The following CFAP46 variants were observed in gnomAD, a reference collection of about 807,000 sequenced individuals.
CFAP46 encodes cilia and flagella associated protein 46.
CFAP46 carries 245 observed loss-of-function variants against 325.7 expected under a neutral mutation model. That is an observed-to-expected ratio of 0.75 (90% CI 0.68 to 0.84). The LOEUF (loss-of-function observed/expected upper bound fraction) is 0.84. Ranked by LOEUF, CFAP46 falls within the 40% of genes least tolerant of loss-of-function variation. CFAP46 has a pLI of 0.00. For synonymous variants in CFAP46, 1,523 were observed against 1,495.9 expected (o/e 1.02, Z -0.42); for missense variants, 3,346 against 3,543.0 (o/e 0.94, Z 1.41).
Position 132,941,091 on chromosome 10 carries a change from C to T in CFAP46, c.307-31G>A, listed in dbSNP as rs572580055. ...GCAACATAAAGAAGCACAATTAGAC[C>T]GAAATACTGACCCCTGCTCACTGCC... On this transcript the variant is annotated intron_variant, in intron 3 of 57. Transcript: ENST00000368586. 6.3e-5 allele frequency: 102 copies of T among 1,610,800 alleles called. No individual in the cohort carries two copies. In the South Asian group the frequency reaches 6.4e-4, roughly 10 times the overall value.
intron 32 of CFAP46, among the ~76,000 whole-genome samples, chr10:132,870,169 C>T (rs865949139): frequency 6.6e-6 from 1 of 152,132 alleles, no homozygotes; most frequent in Non-Finnish European, 1.5e-5. Context: ...CCATCAGCCA[C>T]GCCCATATGA....
At chr10:132,859,395 T>C (rs1400615977) in intron 37 of CFAP46, 148 bp from the exon 38 acceptor site, 4 of 654,922 alleles carry the variant, frequency 6.1e-6, no homozygotes, top group Non-Finnish European at 7.7e-6. Context: ...CAACATCATA[T>C]GGGCCTCATT....
At chr10:132,813,477 CTCTG>C (rs1288762817) in intron 54 of CFAP46, among the ~76,000 whole-genome samples, 4 of 145,970 alleles carry the variant, frequency 2.7e-5, no homozygotes, top group Non-Finnish European at 6.0e-5. Context: ...CAGTGCCACC[CTCTG>C]CACACACCTG....
chr10:132,911,640 G>A (rs998655591), intron 19 of CFAP46, among the ~76,000 whole-genome samples: 2 of 152,206 alleles, frequency 1.3e-5, no homozygotes, highest in African/African-American at 4.8e-5. Flanking sequence ...AAACACTTCT[G>A]CAGCATCTGT....
At chr10:132,913,529 C>A in intron 17 of CFAP46, among the ~76,000 whole-genome samples, 1 of 152,214 alleles carries the variant, frequency 6.6e-6, no homozygotes, top group East Asian at 1.9e-4. Flanking sequence ...ATCTAGGCCG[C>A]GTGCTCCTTG....
rs758726257 is a variant in CFAP46, at chr10:132,814,726, G to A, written c.7209C>T (p.Ile2403=). 5.0e-6 allele frequency: 8 copies of A among 1,613,378 alleles called. No individual in the cohort carries two copies. Among genetic ancestry groups the A allele is most frequent in the South Asian group, 4.4e-5 (4 of 91,052 alleles). Residue 2403 remains isoleucine (I), a synonymous_variant, in exon 52 of 58, where the codon ATC becomes ATT. Transcript: ENST00000368586. ...KGRKGSIPRT[I]PPDCIIVDSD... is the part of the protein sequence containing the mutation. The stretch of plus-strand genomic sequence containing the variant: ...AGTCGACTATGATGCAGTCAGGGGG[G>A]ATGGTCCGGGGGATGCTGCCCTGCA...
intron 33 of CFAP46, among the ~76,000 whole-genome samples, chr10:132,867,889 A>T (rs1443108213): frequency 6.6e-6 from 1 of 152,018 alleles, no homozygotes; most frequent in Admixed American, 6.6e-5. Flanking sequence ...CGGCCTTCCC[A>T]CGGGGTCTTC....
At position 132,811,042 on chromosome 10, in the gene CFAP46, G is replaced by T. The variant is rs41306838; in HGVS notation, c.7502-11C>A. The T allele has an allele frequency of 6.4e-7, 1 of 1,574,374 alleles. No individual in the cohort carries two copies. Among genetic ancestry groups the T allele is most frequent in the Non-Finnish European group, 8.6e-7 (1 of 1,160,608 alleles). ...CTGCCACCTGGCACTCTGCCGGGAC[G>T]GGAAGGGCAGCTCAGCAGCCTTGGC... On this transcript the variant is annotated splice_polypyrimidine_tract_variant and intron_variant, in intron 55 of 57. Transcript: ENST00000368586.
At chr10:132,809,009 G>A in intron 57 of CFAP46, 105 bp from the exon 58 acceptor site, 1 of 1,131,670 alleles carries the variant, frequency 8.8e-7, no homozygotes, top group Non-Finnish European at 1.2e-6. Context: ...CTCCAACTGA[G>A]GGCGCTCTGG....
chr10:132,890,803 G>C (rs540218820), intron 25 of CFAP46, among the ~76,000 whole-genome samples: 3 of 152,128 alleles, frequency 2.0e-5, no homozygotes, highest in African/African-American at 7.2e-5. Flanking sequence ...CACACTGCTG[G>C]GGTTAGTACT....
At chr10:132,896,726 A>T (rs1003189284) in intron 24 of CFAP46, among the ~76,000 whole-genome samples, 8 of 152,228 alleles carry the variant, frequency 5.3e-5, no homozygotes, top group African/African-American at 9.6e-5. Context: ...ATATAATTTT[A>T]AAAAATGATC....
At chr10:132,901,589 C>G (rs1446680759) in intron 22 of CFAP46, among the ~76,000 whole-genome samples, 2 of 152,168 alleles carry the variant, frequency 1.3e-5, no homozygotes, top group African/African-American at 4.8e-5. Context: ...TTTCCACTGC[C>G]CTGCATCTTG....
intron 17 of CFAP46, among the ~76,000 whole-genome samples, chr10:132,915,748 C>T (rs561748383): frequency 4.6e-5 from 7 of 152,336 alleles, no homozygotes; most frequent in East Asian, 3.9e-4. Flanking sequence ...GTCCTATGCA[C>T]GGCGAGCGAC....
chr10:132,837,812 TAC>T (rs1848287264), intron 44 of CFAP46, among the ~76,000 whole-genome samples: 1 of 93,038 alleles, frequency 1.1e-5, no homozygotes, highest in African/African-American at 4.4e-5. Flanking sequence ...CATGCACACG[TAC>T]ACAGATGCAC....
rs368842765 is a variant in CFAP46 at position 132,850,361 on chromosome 10, G to C, written c.5835C>G (p.Ser1945Arg). ...GGGCGCGGATCTCCACACAGCCCAC[G>C]CTCAGCGGCTGCAGGCTCCCCAGCT... is the stretch of plus-strand genomic sequence containing the variant. ...LAQLGSLQPLSVGCVEIRARL... is the reference protein window; with the variant it reads ...LAQLGSLQPLRVGCVEIRARL... The change falls in exon 41 of 58, where the codon AGC (serine) becomes AGG (arginine). Residue 1945 changes from serine (S) to arginine (R), a missense_variant. Coordinates refer to ENST00000368586, the MANE Select transcript of CFAP46 (RefSeq NM_001200049.3). 1.9e-6 allele frequency: 3 copies of C among 1,566,318 alleles called. No homozygotes were observed. The East Asian group carries it at 7.1e-5, about 37-fold the overall frequency.
intron 39 of CFAP46, among the ~76,000 whole-genome samples, chr10:132,856,261 C>T (rs1449046792): frequency 1.3e-5 from 2 of 152,244 alleles, no homozygotes; most frequent in Non-Finnish European, 2.9e-5. Flanking sequence ...TCTTCTTGCA[C>T]TGGTGTTAAA....
chr10:132,887,938 TTTCA>T lies in CFAP46; in HGVS notation c.3305-1983_3305-1980del, dbSNP rs1187954174. Among the ~76,000 whole-genome samples, 74 of 54,234 alleles carry T rather than the reference TTTCA, an allele frequency of 1.4e-3. 4 individuals carry two copies. The highest frequency in any genetic ancestry group is 1.8e-3 in the African/African-American group (9 of 4,880). The allele number at this position is 54,234 out of a possible 152,430, so 35.6% of individuals were successfully genotyped here. On this transcript the variant is annotated intron_variant, in intron 25 of 57. Coordinates refer to ENST00000368586, the MANE Select transcript of CFAP46 (RefSeq NM_001200049.3). ...CTTCTCTCTCCTCTCCTCTCTCCTC[TTTCA>T]CCTCTCTCTCTCCGCTCCTCTCTCT... is the stretch of plus-strand genomic sequence containing the variant.
chr10:132,926,507 C>T, intron 10 of CFAP46, 61 bp downstream of exon 10: 3 of 1,243,548 alleles, frequency 2.4e-6, no homozygotes, highest in Non-Finnish European at 3.4e-6. Flanking sequence ...ACTCAACTTG[C>T]ACCAAGCTCC....
intron 41 of CFAP46, among the ~76,000 whole-genome samples, chr10:132,848,880 A>G (rs1020355539): frequency 6.6e-6 from 1 of 152,264 alleles, no homozygotes; most frequent in Non-Finnish European, 1.5e-5. Context: ...CAACGTGACC[A>G]GCAACCCTAG....
Sources: gnomAD v4.1 joint callset for allele counts (sites outside exome capture counted in the v4.1 genomes callset) on GRCh38, gnomAD v4.1.1 for gene constraint, MANE v1.5 for transcripts, NCBI Gene and HGNC (gene_info 2026-07-23, HGNC 2026-07-21) for gene names.